Variants in TBXAS1 observed in about 807,000 individuals in gnomAD.
The protein encoded by TBXAS1 is thromboxane-A synthase.
A neutral mutation model predicts 60.7 loss-of-function variants in TBXAS1; 48 were observed. That is an observed-to-expected ratio of 0.79 (90% CI 0.63 to 1.01). The LOEUF is 1.01. Among genes scored for constraint, TBXAS1 ranks in the 50% least tolerant of loss-of-function variants. The pLI is 0.00. For missense variants in TBXAS1, 685 were observed against 686.3 expected (o/e 1.00, Z 0.02); for synonymous variants, 287 against 269.7 (o/e 1.06, Z -0.63).
At chr7:139,825,805 C>T (rs1037867958), upstream of TBXAS1, among the ~76,000 whole-genome samples, 2 of 152,192 alleles carry the variant, frequency 1.3e-5, no homozygotes, top group African/African-American at 4.8e-5. Flanking sequence ...AAAGCACTCT[C>T]CTTGGAAAAC....
intron 4 of TBXAS1, among the ~76,000 whole-genome samples, chr7:139,927,176 T>C (rs1584872066): frequency 6.6e-6 from 1 of 150,560 alleles, no homozygotes; most frequent in Admixed American, 6.6e-5. Context: ...TTTTTTTTTT[T>C]CCGTACAGAC....
At chr7:139,980,764 C>G (rs1811906281) in intron 9 of TBXAS1, among the ~76,000 whole-genome samples, 1 of 151,870 alleles carries the variant, frequency 6.6e-6, no homozygotes, top group African/African-American at 2.4e-5. Context: ...GCCAGCCTGT[C>G]TCCTGAGCCT....
chr7:139,973,037 G>C (rs998224716), intron 9 of TBXAS1, among the ~76,000 whole-genome samples: 14 of 151,904 alleles, frequency 9.2e-5, no homozygotes, highest in African/African-American at 3.4e-4. Flanking sequence ...GCACTGCGTG[G>C]GGAGATGGAG....
intron 1 of TBXAS1, among the ~76,000 whole-genome samples, chr7:139,868,984 G>A (rs563578947): frequency 1.1e-4 from 16 of 151,372 alleles, no homozygotes; most frequent in Admixed American, 1.3e-4. Context: ...ACTTTGTAGA[G>A]GTGAGGGTCT....
chr7:139,894,435 C>A (rs1803914744), intron 3 of TBXAS1, among the ~76,000 whole-genome samples: 1 of 152,078 alleles, frequency 6.6e-6, no homozygotes, highest in African/African-American at 2.4e-5. Context: ...CCTCATTAAC[C>A]CCCTGCTCTC....
rs191867510 is a variant in TBXAS1 at position 139,922,242 on chromosome 7, C to T, written c.333+10921C>T. On this transcript the variant is annotated intron_variant, in intron 4 of 12. Transcript: ENST00000448866. ...TCAGCCTCCCGTGAAGCTGGGATTA[C>T]GGACATGTGCCACCATGCCCGGCTA... Among the ~76,000 whole-genome samples the T allele has an allele frequency of 6.6e-5, 10 of 151,954 alleles. No individual in the cohort carries two copies. In the East Asian group the frequency reaches 1.2e-3, roughly 18 times the overall value.
chr7:139,888,947 G>A (rs1199723033), intron 3 of TBXAS1, among the ~76,000 whole-genome samples: 1 of 151,626 alleles, frequency 6.6e-6, no homozygotes, highest in Non-Finnish European at 1.5e-5. Context: ...AAAAAAACTA[G>A]CAAAAAACAT....
intron 4 of TBXAS1, among the ~76,000 whole-genome samples, chr7:139,931,927 C>A (rs1237546518): frequency 1.3e-5 from 2 of 152,092 alleles, no homozygotes; most frequent in Non-Finnish European, 2.9e-5. Flanking sequence ...CACAGAGTTT[C>A]ACTTTTGTAA....
chr7:139,821,646 G>A (rs903882754), intron 4 of TBXAS1, among the ~76,000 whole-genome samples: 30 of 152,234 alleles, frequency 2.0e-4, no homozygotes, highest in Admixed American at 6.5e-5. Context: ...TCCCACTGCA[G>A]GAGATGTTTC....
At chr7:140,017,630 A>G in intron 11 of TBXAS1, 41 bp from the exon 12 acceptor site, 1 of 1,609,180 alleles carries the variant, frequency 6.2e-7, no homozygotes, top group Non-Finnish European at 8.5e-7. Context: ...GAGGGGAGGG[A>G]GCGGGTGTTC....
intron 9 of TBXAS1, among the ~76,000 whole-genome samples, chr7:140,005,671 A>G (rs1814021937): frequency 6.6e-6 from 1 of 152,162 alleles, no homozygotes; most frequent in Non-Finnish European, 1.5e-5. Flanking sequence ...TTTTATGACA[A>G]AGTAGGAATG....
chr7:139,904,764 T>C (rs559988862), intron 3 of TBXAS1, among the ~76,000 whole-genome samples: 83 of 152,186 alleles, frequency 5.5e-4, no homozygotes, highest in Non-Finnish European at 9.7e-4. Context: ...TGTTGGTGTA[T>C]AGAAGAGCTA....
chr7:139,896,187 G>T lies in TBXAS1; in HGVS notation c.237-15038G>T, dbSNP rs978028801. Among the ~76,000 whole-genome samples, 16 of 152,260 alleles carry T rather than the reference G, an allele frequency of 1.1e-4. No homozygotes were observed. The highest frequency in any genetic ancestry group is 3.9e-4 in the African/African-American group (16 of 41,540). ...AGATAAGATGGGCTTTGTCTTGAGAGAACTTGCAGAGCGATCAGGAGCTTA... is the reference window on the plus strand; with the variant it reads ...AGATAAGATGGGCTTTGTCTTGAGATAACTTGCAGAGCGATCAGGAGCTTA... On this transcript the variant is annotated intron_variant, in intron 3 of 12. Transcript: ENST00000448866. This position sits in a 1 kb window ranked among gnomAD's most constrained non-coding sequence, Gnocchi z 4.0.
chr7:139,936,110 G>T (rs1267989710), intron 4 of TBXAS1, 81 bp from the exon 5 acceptor site: 17 of 1,285,002 alleles, frequency 1.3e-5, no homozygotes, highest in Non-Finnish European at 1.9e-5. Context: ...TTTAACCAGG[G>T]TGTTTGTCAT....
chr7:139,913,095 C>G, intron 4 of TBXAS1: 1 of 702,618 alleles, frequency 1.4e-6, no homozygotes, highest in Non-Finnish European at 2.6e-6. Context: ...CTCCAGACAT[C>G]ACGTGGCCTC....
chr7:139,905,043 CTT>C (rs1491411132), intron 3 of TBXAS1, among the ~76,000 whole-genome samples: 19 of 85,744 alleles, frequency 2.2e-4, no homozygotes, highest in Admixed American at 1.3e-4. Context: ...TTCTTTCTTT[CTT>C]TCTTTCTTTC....
intron 4 of TBXAS1, among the ~76,000 whole-genome samples, chr7:139,815,237 G>A (rs942986998): frequency 1.3e-5 from 2 of 152,202 alleles, no homozygotes; most frequent in South Asian, 2.1e-4. Context: ...CAGATGGAAA[G>A]AGAGAGAGCG....
chr7:139,943,368 T>C (rs1465075717), intron 5 of TBXAS1, among the ~76,000 whole-genome samples: 1 of 152,236 alleles, frequency 6.6e-6, no homozygotes, highest in East Asian at 1.9e-4. Context: ...ACACCTGATC[T>C]ACTAATTAAA....
chr7:139,901,519 T>C (rs539499497), intron 3 of TBXAS1, among the ~76,000 whole-genome samples: 26 of 152,198 alleles, frequency 1.7e-4, no homozygotes, highest in African/African-American at 3.1e-4. Context: ...GCTTTCCTTT[T>C]AGATCTAAGA....
Sources: allele counts gnomAD v4.1 joint callset (sites outside exome capture counted in the v4.1 genomes callset), GRCh38; gene constraint gnomAD v4.1.1; non-coding constraint Gnocchi (gnomAD v3.1); transcripts MANE v1.5; gene names NCBI Gene and HGNC (gene_info 2026-07-23, HGNC 2026-07-21).